The following AHRR variants were observed in gnomAD, a reference collection of about 807,000 sequenced individuals.
The protein encoded by AHRR is aryl hydrocarbon receptor repressor.
In AHRR, 28 loss-of-function variants were observed where a neutral mutation model predicts 44.0. That is an observed-to-expected ratio of 0.64 (90% confidence interval 0.47 to 0.87). The LOEUF is 0.87. AHRR is among the 40% of genes least tolerant of loss of function. The probability of loss-of-function intolerance (pLI) is 0.00; values close to 1 mark genes in which losing one functional copy is unlikely to be tolerated. For synonymous variants in AHRR, 434 were observed against 407.0 expected (o/e 1.07, Z -0.80); for missense variants, 990 against 953.9 (o/e 1.04, Z -0.50).
At position 434,594 on chromosome 5, in the gene AHRR, C is replaced by T; in HGVS notation, c.1854C>T (p.Cys618=). The T allele has an allele frequency of 1.3e-6, 2 of 1,571,932 alleles. No homozygotes were observed. Among genetic ancestry groups the T allele is most frequent in the Non-Finnish European group, 1.7e-6 (2 of 1,158,994 alleles). ...LTPFHPAHCA[C]LEPTDGLPQS... ...CTTTCCACCCTGCACACTGTGCCTG[C>T]CTGGAGCCCACAGACGGCCTTCCCC... Residue 618 remains cysteine, a synonymous_variant, in exon 11 of 11, where the codon TGC becomes TGT. Transcript: ENST00000684583.
At chr5:360,314 C>T (rs374113077) in intron 3 of AHRR, among the ~76,000 whole-genome samples, 16 of 152,340 alleles carry the variant, frequency 1.1e-4, no homozygotes, top group South Asian at 4.1e-4. Flanking sequence ...ACCCTGATGA[C>T]GGGCTTTTAG....
intron 2 of AHRR, among the ~76,000 whole-genome samples, chr5:346,996 T>C (rs1408259699): frequency 6.6e-6 from 1 of 152,212 alleles, no homozygotes; most frequent in African/African-American, 2.4e-5. Flanking sequence ...GATGTGGAAT[T>C]GCTCAGCCAA....
intron 3 of AHRR, among the ~76,000 whole-genome samples, chr5:368,761 G>A (rs1022243066): frequency 1.3e-5 from 2 of 152,216 alleles, no homozygotes; most frequent in African/African-American, 2.4e-5. Context: ...GGTTAGAGGC[G>A]CATTCTCTTG....
At chr5:423,483 A>G (rs1378087038) in intron 6 of AHRR, among the ~76,000 whole-genome samples, 1 of 152,194 alleles carries the variant, frequency 6.6e-6, no homozygotes, top group Non-Finnish European at 1.5e-5. Flanking sequence ...TCTCGCACGT[A>G]TCCGCAGAAG....
At chr5:429,777 G>A (rs1296826830) in intron 8 of AHRR, among the ~76,000 whole-genome samples, 2 of 152,226 alleles carry the variant, frequency 1.3e-5, no homozygotes, top group African/African-American at 2.4e-5. Flanking sequence ...CTGGCATAGC[G>A]CCCAGGAGTG....
intron 1 of AHRR, chr5:322,478 A>G (rs1353798333): frequency 6.6e-6 from 1 of 151,860 alleles, no homozygotes; most frequent in African/African-American, 2.4e-5. Flanking sequence ...GGCCTCCGGG[A>G]TGGCAAGGGC....
intron 3 of AHRR, among the ~76,000 whole-genome samples, chr5:365,805 C>T (rs1743340643): frequency 6.6e-6 from 1 of 151,938 alleles, no homozygotes; most frequent in African/African-American, 2.4e-5. Flanking sequence ...TTAAAACTGA[C>T]TCAAGAAGAA....
intron 7 of AHRR, among the ~76,000 whole-genome samples, chr5:426,083 T>C (rs1736374286): frequency 1.3e-5 from 2 of 152,270 alleles, no homozygotes; most frequent in African/African-American, 4.8e-5. Flanking sequence ...CTGGGAATTT[T>C]TCCCCCTGGA....
chr5:376,552 A>AAGAGAACCGTGGGGTGAACGCGGG, intron 3 of AHRR, 58 bp from the exon 4 acceptor site: 1 of 1,397,072 alleles, frequency 7.2e-7, no homozygotes, highest in Non-Finnish European at 9.7e-7. Context: ...ATGTGAATGA[A>AAGAGAACCGTGGGGTGAACGCGGG]GAAGAGTGGC....
intron 2 of AHRR, among the ~76,000 whole-genome samples, chr5:353,384 C>T (rs990778748): frequency 2.6e-5 from 4 of 152,170 alleles, no homozygotes; most frequent in African/African-American, 9.7e-5. Context: ...TGGGGCCAGG[C>T]GTCCTCCTCC....
intron 6 of AHRR, among the ~76,000 whole-genome samples, chr5:423,064 G>A (rs538887139): frequency 2.6e-5 from 4 of 152,204 alleles, no homozygotes; most frequent in South Asian, 4.2e-4. Flanking sequence ...CGTGTGGCTC[G>A]AGTGTGCTTC....
At chr5:376,452 G>A (rs1272165736) in intron 3 of AHRR, among the ~76,000 whole-genome samples, 158 bp from the exon 4 acceptor site, 1 of 36,974 alleles carries the variant, frequency 2.7e-5, no homozygotes, top group Admixed American at 3.8e-4. Flanking sequence ...CAGGGCTGTG[G>A]AATGCTGCGT....
chr5:400,413 C>A (rs914370625), intron 4 of AHRR, among the ~76,000 whole-genome samples: 1 of 152,192 alleles, frequency 6.6e-6, no homozygotes, highest in Non-Finnish European at 1.5e-5. Flanking sequence ...GTTGTCCTTG[C>A]GAAGTGGCAG....
chr5:389,759 C>A (rs1162611921), intron 4 of AHRR, among the ~76,000 whole-genome samples: 1 of 151,944 alleles, frequency 6.6e-6, no homozygotes, highest in Non-Finnish European at 1.5e-5. Flanking sequence ...CAGGCCCGCT[C>A]TGGCACCTGC....
At chr5:432,340 C>T in intron 8 of AHRR, 123 bp from the exon 9 acceptor site, 1 of 879,000 alleles carries the variant, frequency 1.1e-6, no homozygotes, top group South Asian at 1.5e-5. Flanking sequence ...TTGTTTCTGT[C>T]TTCACTGCTC....
At chr5:393,954 C>T (rs1469894004) in intron 4 of AHRR, among the ~76,000 whole-genome samples, 1 of 152,150 alleles carries the variant, frequency 6.6e-6, no homozygotes, top group Non-Finnish European at 1.5e-5. Flanking sequence ...TTCTGGTGGT[C>T]GAGAGTTTTG....
At chr5:333,640 C>A (rs945164897) in intron 1 of AHRR, among the ~76,000 whole-genome samples, 1 of 152,140 alleles carries the variant, frequency 6.6e-6, no homozygotes, top group Non-Finnish European at 1.5e-5. Flanking sequence ...TGTTTACCTT[C>A]AAGGTTAATA....
chr5:412,880 C>T (rs1370769512), intron 4 of AHRR, among the ~76,000 whole-genome samples: 1 of 152,026 alleles, frequency 6.6e-6, no homozygotes, highest in African/African-American at 2.4e-5. Flanking sequence ...ACCACCACAC[C>T]CGGCTAATTT....
chr5:421,461 C>T, intron 5 of AHRR: 1 of 514,210 alleles, frequency 1.9e-6, no homozygotes, highest in South Asian at 2.6e-5. Flanking sequence ...CCTGTGGCCT[C>T]ATCTGGGTGG....
Sources: gnomAD v4.1 joint callset for allele counts (sites outside exome capture counted in the v4.1 genomes callset) on GRCh38, gnomAD v4.1.1 for gene constraint, MANE v1.5 for transcripts, NCBI Gene and HGNC (gene_info 2026-07-23, HGNC 2026-07-21) for gene names.